Variants in ABCC6 observed in about 807,000 individuals in gnomAD.
ABCC6 encodes the protein ATP-binding cassette sub-family C member 6.
Under a neutral mutation model 169.5 loss-of-function variants are expected in ABCC6, and 126 were observed. The observed-to-expected ratio is 0.74, with a 90% confidence interval of 0.64 to 0.86. ABCC6 has a LOEUF of 0.86. Among genes scored for constraint, ABCC6 ranks in the 40% least tolerant of loss-of-function variants. ABCC6 has a pLI of 0.00. For missense variants in ABCC6, 1,733 were observed against 1,927.2 expected (o/e 0.90, Z 1.89); for synonymous variants, 752 against 814.7 (o/e 0.92, Z 1.31).
At chr16:16,179,215 A>G (rs2047392477) in intron 17 of ABCC6, among the ~76,000 whole-genome samples, 2 of 151,314 alleles carry the variant, frequency 1.3e-5, no homozygotes, top group South Asian at 2.1e-4. Context: ...TTCCCAATCC[A>G]CTCTGTCTCC....
intron 15 of ABCC6, among the ~76,000 whole-genome samples, chr16:16,183,575 T>C (rs148156820): frequency 6.6e-6 from 1 of 152,332 alleles, no homozygotes; most frequent in Non-Finnish European, 1.5e-5. Context: ...CTCCTTCCGC[T>C]CTGTGCCTCA....
chr16:16,190,455 A>G, intron 11 of ABCC6, 88 bp from the exon 12 acceptor site: 1 of 1,460,550 alleles, frequency 6.8e-7, no homozygotes, highest in Non-Finnish European at 9.5e-7. Context: ...AGCAAATCCC[A>G]TTCATCTCAC....
At chr16:16,205,405 C>A (rs1182054131) in intron 7 of ABCC6, among the ~76,000 whole-genome samples, 1 of 152,136 alleles carries the variant, frequency 6.6e-6, no homozygotes, top group Non-Finnish European at 1.5e-5. Flanking sequence ...GGACCCCCAA[C>A]CTCACCATAA....
At chr16:16,151,624 A>G (rs532348342) in intron 29 of ABCC6, among the ~76,000 whole-genome samples, 1 of 152,264 alleles carries the variant, frequency 6.6e-6, no homozygotes, top group East Asian at 1.9e-4. Flanking sequence ...TGGCCTGTTT[A>G]TGGCTATGTC....
At chr16:16,209,627 G>A (rs1343593151) in intron 6 of ABCC6, among the ~76,000 whole-genome samples, 3 of 150,852 alleles carry the variant, frequency 2.0e-5, no homozygotes, top group African/African-American at 7.3e-5. Flanking sequence ...TTTTTGAGAT[G>A]GAGTCTCACT....
chr16:16,191,288 G>A (rs2283504), intron 11 of ABCC6, among the ~76,000 whole-genome samples: 105,006 of 151,852 alleles, frequency 0.69, 36,780 homozygotes, highest in African/African-American at 0.77. Context: ...GCTAAATTTT[G>A]TATTTTTTGT....
At position 16,150,533 on chromosome 16, in the gene ABCC6, C is replaced by A. The variant is rs375182715; in HGVS notation, c.4403+45G>T. ...GGACTGCCTCCGCCTCCTTCCCCCA[C>A]CACTGCAGGGCTGCTGTGAGGTCAG... On this transcript the variant is annotated intron_variant, in intron 30 of 30. Transcript: ENST00000205557. 9 of 1,592,428 alleles carry A rather than the reference C, an allele frequency of 5.7e-6. No individual in the cohort carries two copies. In the African/African-American group the frequency reaches 1.1e-4, roughly 19 times the overall value.
At chr16:16,170,702 G>C (rs530387023) in intron 21 of ABCC6, among the ~76,000 whole-genome samples, 23 of 152,014 alleles carry the variant, frequency 1.5e-4, no homozygotes, top group African/African-American at 5.5e-4. Context: ...TGTGTCACCT[G>C]AGCTCAGGAG....
At chr16:16,151,250 TG>T (rs1050731111) in intron 29 of ABCC6, among the ~76,000 whole-genome samples, 4 of 152,128 alleles carry the variant, frequency 2.6e-5, no homozygotes, top group African/African-American at 9.7e-5. Flanking sequence ...AAAGTAGAGA[TG>T]GGGTTTCACC....
Position 16,149,941 on chromosome 16 carries a change from G to A in ABCC6, c.*192C>T. 1.2e-6 allele frequency: 1 copy of A among 827,890 alleles called. No individual in the cohort carries two copies. The highest frequency in any genetic ancestry group is 1.9e-6 in the Non-Finnish European group (1 of 513,660). 51.3% of individuals were successfully genotyped at this position (827,890 alleles called of 1,614,324 possible). ...ATGGGCCCTGCCCGGGCAGACCTGT[G>A]TATTGCTAGGTCCTTCCGGCTCTGA... is the stretch of plus-strand genomic sequence containing the variant. On this transcript the variant is annotated 3_prime_UTR_variant, in exon 31 of 31. Coordinates refer to ENST00000205557, the MANE Select transcript of ABCC6 (RefSeq NM_001171.6).
chr16:16,194,719 C>A (rs1473717260), intron 10 of ABCC6, among the ~76,000 whole-genome samples: 2 of 152,036 alleles, frequency 1.3e-5, no homozygotes, highest in Non-Finnish European at 2.9e-5. Flanking sequence ...GAGATGGATT[C>A]TTGTTCTGTG....
intron 7 of ABCC6, 106 bp downstream of exon 7, chr16:16,208,622 T>A (rs1351679699): frequency 1.4e-5 from 22 of 1,583,050 alleles, no homozygotes; most frequent in Non-Finnish European, 1.8e-5. Context: ...TCCGCCTGCC[T>A]CGGCCTCCCA....
At chr16:16,196,443 T>A (rs951837187) in intron 10 of ABCC6, among the ~76,000 whole-genome samples, 1 of 152,192 alleles carries the variant, frequency 6.6e-6, no homozygotes, top group African/African-American at 2.4e-5. Flanking sequence ...GAAAAGTAAC[T>A]AATGATAATA....
Position 16,163,063 on chromosome 16 carries a change from AG to A in ABCC6, c.3435del (p.Phe1146LeufsTer9), listed in dbSNP as rs769105086. On this transcript the variant is annotated frameshift_variant, in exon 24 of 31. Transcript: ENST00000205557. LOFTEE classifies it high-confidence loss of function. ...ACGCGAGCATTGTTCTGAGCCACAA[AG>A]GGGGCCTGGGTTCGGAATGCCCGGA... ...TVVRAFRTQA[P>X]FVAQNNARVD... The A allele has an allele frequency of 6.2e-7, 1 of 1,613,984 alleles. No homozygotes were observed. The highest frequency in any genetic ancestry group is 1.7e-5 in the Admixed American group (1 of 60,016).
At chr16:16,162,843 G>T (rs1232290815) in intron 24 of ABCC6, 150 bp downstream of exon 24, 3 of 1,044,026 alleles carry the variant, frequency 2.9e-6, no homozygotes, top group Non-Finnish European at 4.5e-6. Context: ...ATCTGCCCAC[G>T]GTGAGAACTG....
chr16:16,210,614 T>C (rs1490813253), intron 6 of ABCC6, among the ~76,000 whole-genome samples: 5 of 152,214 alleles, frequency 3.3e-5, no homozygotes, highest in South Asian at 2.1e-4. Flanking sequence ...AAAAACAGTT[T>C]ATTCGAGTAA....
chr16:16,150,279 CCAGCCCAGGCTCTCGG>C (rs1001947461), intron 30 of ABCC6, 38 bp from the exon 31 acceptor site: 1 of 1,613,024 alleles, frequency 6.2e-7, no homozygotes, highest in African/African-American at 1.3e-5. Context: ...TCTTTGGACA[CCAGCCCAGGCTCTCGG>C]CAGCTGTGAG....
At chr16:16,162,194 T>C (rs2046742566) in intron 24 of ABCC6, among the ~76,000 whole-genome samples, 1 of 152,176 alleles carries the variant, frequency 6.6e-6, no homozygotes, top group Non-Finnish European at 1.5e-5. Flanking sequence ...GTAGTTCTTT[T>C]TAGCAGTGTG....
intron 10 of ABCC6, among the ~76,000 whole-genome samples, chr16:16,196,991 C>T (rs1013116448): frequency 6.6e-6 from 1 of 152,094 alleles, no homozygotes; most frequent in African/African-American, 2.4e-5. Context: ...TGTGCCTGGC[C>T]CAGAGTCTGA....
Sources: allele counts gnomAD v4.1 joint callset (sites outside exome capture counted in the v4.1 genomes callset), GRCh38; gene constraint gnomAD v4.1.1; transcripts MANE v1.5; gene names NCBI Gene and HGNC (gene_info 2026-07-23, HGNC 2026-07-21).